Variants in COL23A1 observed in about 807,000 individuals in gnomAD.
COL23A1 encodes collagen type XXIII alpha 1 chain.
COL23A1 carries 97 observed loss-of-function variants against 99.3 expected under a neutral mutation model. The observed-to-expected ratio is 0.98, with a 90% CI of 0.83 to 1.16. COL23A1 has a LOEUF of 1.16. Ranked by LOEUF, COL23A1 falls within the 50% of genes most tolerant of loss-of-function variation. The pLI is 0.00. For synonymous variants in COL23A1, 320 were observed against 308.2 expected (o/e 1.04, Z -0.40); for missense variants, 762 against 757.4 (o/e 1.01, Z -0.07).
intron 2 of COL23A1, among the ~76,000 whole-genome samples, chr5:178,424,643 A>T (rs1256650340): frequency 6.6e-6 from 1 of 152,204 alleles, no homozygotes; most frequent in African/African-American, 2.4e-5. Flanking sequence ...GTCAGGACTA[A>T]TGGTCCTAGA....
At chr5:178,588,378 C>T (rs1764104298) in intron 1 of COL23A1, among the ~76,000 whole-genome samples, 1 of 152,222 alleles carries the variant, frequency 6.6e-6, no homozygotes, top group African/African-American at 2.4e-5. Flanking sequence ...TTCTGATTTA[C>T]TCAATCAGGG....
At chr5:178,566,554 G>A (rs950844475) in intron 1 of COL23A1, among the ~76,000 whole-genome samples, 7 of 152,028 alleles carry the variant, frequency 4.6e-5, no homozygotes, top group African/African-American at 1.2e-4. Flanking sequence ...GGTGGCTCGC[G>A]CCTGTAATCC....
At chr5:178,427,988 T>G (rs969435764) in intron 2 of COL23A1, among the ~76,000 whole-genome samples, 1 of 152,110 alleles carries the variant, frequency 6.6e-6, no homozygotes, top group Non-Finnish European at 1.5e-5. Flanking sequence ...GTTTATTAAT[T>G]CTAAGGAATG....
chr5:178,547,607 ACACCCCCCACACACACCCACC>A (rs1761693290), intron 2 of COL23A1, among the ~76,000 whole-genome samples: 1 of 3,842 alleles, frequency 2.6e-4, no homozygotes, highest in Non-Finnish European at 5.9e-4. Flanking sequence ...ACCCACACAC[ACACCCCCCACACACACCCACC>A]CACACCCCCC....
intron 6 of COL23A1, among the ~76,000 whole-genome samples, chr5:178,269,510 T>TCCAC (rs201587719): frequency 2.0e-5 from 1 of 50,388 alleles, no homozygotes; most frequent in Admixed American, 2.5e-4. Flanking sequence ...CATCCACCCA[T>TCCAC]CCACCCACCC....
chr5:178,400,084 A>G (rs1371217269), intron 2 of COL23A1, among the ~76,000 whole-genome samples: 1 of 152,112 alleles, frequency 6.6e-6, no homozygotes, highest in East Asian at 1.9e-4. Context: ...TACATGGAAT[A>G]GGCTGGGCGC....
intron 1 of COL23A1, among the ~76,000 whole-genome samples, chr5:178,583,178 G>A (rs262043): frequency 0.024 from 3,669 of 152,304 alleles, 158 homozygotes; most frequent in African/African-American, 0.084. Flanking sequence ...CACAGATTTC[G>A]ACACTGCTAC....
chr5:178,414,338 TCAC>T (rs1765192708), intron 2 of COL23A1, among the ~76,000 whole-genome samples: 2 of 152,030 alleles, frequency 1.3e-5, no homozygotes, highest in Non-Finnish European at 2.9e-5. Flanking sequence ...GTACCTTATG[TCAC>T]CACCACCACC....
intron 2 of COL23A1, among the ~76,000 whole-genome samples, chr5:178,346,046 T>C (rs1174324395): frequency 3.3e-5 from 5 of 152,114 alleles, no homozygotes; most frequent in Admixed American, 2.6e-4. Flanking sequence ...CAAATAAACT[T>C]GTATTAGATA....
chr5:178,438,749 A>G (rs527295976), intron 2 of COL23A1: 1 of 152,324 alleles, frequency 6.6e-6, no homozygotes, highest in South Asian at 2.1e-4. Context: ...ACTTATAAAG[A>G]GCGAGAGAAT....
At chr5:178,501,688 A>G (rs1758543482) in intron 2 of COL23A1, among the ~76,000 whole-genome samples, 1 of 152,190 alleles carries the variant, frequency 6.6e-6, no homozygotes, top group Non-Finnish European at 1.5e-5. Flanking sequence ...GTCCCTCAAG[A>G]GGCTGTGCTG....
chr5:178,245,778 C>T (rs1196240051), intron 25 of COL23A1, among the ~76,000 whole-genome samples, 164 bp downstream of exon 25: 1 of 152,232 alleles, frequency 6.6e-6, no homozygotes, highest in Non-Finnish European at 1.5e-5. Context: ...TACTCTGGGT[C>T]GTGCACTGGA....
chr5:178,526,738 C>T (rs1228689464), intron 2 of COL23A1, among the ~76,000 whole-genome samples: 1 of 152,134 alleles, frequency 6.6e-6, no homozygotes, highest in African/African-American at 2.4e-5. Context: ...AGGACCTGAG[C>T]CCCGAATGTG....
intron 11 of COL23A1, among the ~76,000 whole-genome samples, chr5:178,260,951 C>G (rs1294587090): frequency 1.3e-5 from 2 of 152,058 alleles, no homozygotes; most frequent in Non-Finnish European, 2.9e-5. Context: ...GAGTGTACCA[C>G]AGCAAGAGTG....
Position 178,246,291 on chromosome 5 carries a change from G to A in COL23A1, c.1376C>T (p.Pro459Leu), listed in dbSNP as rs184713498. ...PSGLPGPVGP[P>L]GLIGLPGTKG... ...GGTTCCTGGCAGCCCAATAAGGCCC[G>A]GTGGGCCAACTGGCCCCTGGATAGA... Residue 459 changes from proline (P) to leucine (L), a missense_variant, in exon 24 of 29, where the codon CCG (proline) becomes CTG (leucine). Physicochemically the swap from Pro to Leu is moderately conservative, Grantham distance 98. Transcript: ENST00000390654. 2.2e-5 allele frequency: 35 copies of A among 1,555,664 alleles called. No individual in the cohort carries two copies. The African/African-American group carries it at 3.5e-4, about 16-fold the overall frequency.
intron 2 of COL23A1, among the ~76,000 whole-genome samples, chr5:178,553,159 GATCCT>G (rs1762096980): frequency 8.5e-6 from 1 of 118,154 alleles, no homozygotes. Flanking sequence ...GACAGAGTGA[GATCCT>G]ATCTTAAAAA....
chr5:178,411,797 A>G (rs1765069709), intron 2 of COL23A1, among the ~76,000 whole-genome samples: 1 of 152,242 alleles, frequency 6.6e-6, no homozygotes, highest in Non-Finnish European at 1.5e-5. Flanking sequence ...CTCAATATTC[A>G]ACCTCATACA....
chr5:178,438,955 C>A (rs1420677986), intron 2 of COL23A1: 4 of 152,178 alleles, frequency 2.6e-5, no homozygotes, highest in Non-Finnish European at 4.4e-5. Context: ...TGGGACTCAG[C>A]ACTTTAGTAG....
intron 28 of COL23A1, among the ~76,000 whole-genome samples, 160 bp from the exon 29 acceptor site, chr5:178,238,860 ACTGATGGCTTTGCC>A (rs1331359609): frequency 6.6e-6 from 1 of 151,964 alleles, no homozygotes; most frequent in African/African-American, 2.4e-5. Context: ...CCCAGGGGGC[ACTGATGGCTTTGCC>A]CTGCCTGGTC....
Sources: gnomAD v4.1 joint callset for allele counts (sites outside exome capture counted in the v4.1 genomes callset) on GRCh38, gnomAD v4.1.1 for gene constraint, MANE v1.5 for transcripts, NCBI Gene and HGNC (gene_info 2026-07-23, HGNC 2026-07-21) for gene names.